KCNH7: variants seen among roughly 807,000 people sequenced by gnomAD.
KCNH7 encodes the protein potassium voltage-gated channel subfamily H member 7.
In KCNH7, 49 loss-of-function variants were observed where a neutral mutation model predicts 120.8. That is an observed-to-expected ratio of 0.41 (90% CI 0.32 to 0.51). The LOEUF is 0.51. Ranked by LOEUF, KCNH7 falls within the 20% of genes least tolerant of loss-of-function variation. The pLI, the probability that KCNH7 is intolerant of heterozygous loss-of-function variation, is 0.38. For missense variants in KCNH7, 1,097 were observed against 1,446.6 expected (o/e 0.76, Z 3.92); for synonymous variants, 547 against 516.1 (o/e 1.06, Z -0.81).
At chr2:162,826,407 T>C (rs1311899792) in intron 2 of KCNH7, among the ~76,000 whole-genome samples, 2 of 152,116 alleles carry the variant, frequency 1.3e-5, no homozygotes, top group East Asian at 1.9e-4. Context: ...CAGGGATCTA[T>C]CTGAACTCTT....
At chr2:162,480,249 T>C (rs1162045078) in intron 6 of KCNH7, among the ~76,000 whole-genome samples, 1 of 152,178 alleles carries the variant, frequency 6.6e-6, no homozygotes, top group East Asian at 1.9e-4. Flanking sequence ...ACATTGTAAA[T>C]GATTCAGTCT....
intron 2 of KCNH7, among the ~76,000 whole-genome samples, chr2:162,567,069 GA>G (rs1342447931): frequency 6.6e-6 from 1 of 151,882 alleles, no homozygotes; most frequent in Admixed American, 6.6e-5. Flanking sequence ...TAAGACAACT[GA>G]AAAAGTAAGA....
chr2:162,685,318 C>T (rs1024311844), intron 2 of KCNH7, among the ~76,000 whole-genome samples: 19 of 151,942 alleles, frequency 1.3e-4, no homozygotes, highest in African/African-American at 4.4e-4. Context: ...ACGTTCTGGA[C>T]ATGTATCCCT....
intron 10 of KCNH7, among the ~76,000 whole-genome samples, chr2:162,399,495 A>G (rs1687010018): frequency 6.6e-6 from 1 of 151,778 alleles, no homozygotes; most frequent in African/African-American, 2.4e-5. Flanking sequence ...TACATTAGGT[A>G]TATCTCCTAA....
intron 2 of KCNH7, among the ~76,000 whole-genome samples, chr2:162,688,572 G>A (rs145681324): frequency 1.1e-4 from 16 of 152,126 alleles, no homozygotes; most frequent in African/African-American, 1.9e-4. Context: ...ATCTGCTTTC[G>A]AGTTGCACCT....
chr2:162,769,788 A>C (rs1682970499), intron 2 of KCNH7, among the ~76,000 whole-genome samples: 2 of 152,118 alleles, frequency 1.3e-5, no homozygotes. Flanking sequence ...AAAAGTTTTG[A>C]AGCAAAACAT....
Position 162,373,460 on chromosome 2 carries a change from C to T in KCNH7, c.3324+10G>A, listed in dbSNP as rs1394464340. The T allele has an allele frequency of 6.6e-7, 1 of 1,505,072 alleles. No homozygotes were observed. The highest frequency in any genetic ancestry group is 2.5e-5 in the East Asian group (1 of 39,926). 93.2% of individuals were successfully genotyped at this position (1,505,072 alleles called of 1,614,324 possible). A position where few individuals can be genotyped will look rare whatever the true frequency, so the allele number is the denominator to read the frequency against. On this transcript the variant is annotated intron_variant, in intron 15 of 15. Coordinates refer to ENST00000332142, the MANE Select transcript of KCNH7 (RefSeq NM_033272.4). ...AGAGACACTCTTGGTTGGATGGTAT[C>T]CACACTTACTTGTGAGGAAGGGCTG...
rs146127471 is a variant in KCNH7 at position 162,583,920 on chromosome 2, T to C, written c.308-46840A>G. ...ATCTTCTAAAAACATTGGGGCAAGA[T>C]CTATTTCAGATTTGAAAGGCTTTCA... On this transcript the variant is annotated intron_variant, in intron 2 of 15. Transcript: ENST00000332142. 5.2e-3 allele frequency among the ~76,000 whole-genome samples: 789 copies of C among 152,230 alleles called. 10 individuals are homozygous for C. Among genetic ancestry groups the C allele is most frequent in the African/African-American group, 0.018 (752 of 41,574 alleles).
chr2:162,789,316 G>T (rs997034906), intron 2 of KCNH7, among the ~76,000 whole-genome samples: 8 of 151,900 alleles, frequency 5.3e-5, no homozygotes, highest in Non-Finnish European at 1.2e-4. Context: ...ATCATCATTT[G>T]CTAATAGATA....
chr2:162,540,803 G>A (rs1321345286), intron 2 of KCNH7, among the ~76,000 whole-genome samples: 8 of 152,128 alleles, frequency 5.3e-5, no homozygotes. Context: ...CTTCACATGT[G>A]TGTGTGATGA....
intron 2 of KCNH7, among the ~76,000 whole-genome samples, chr2:162,786,237 C>T (rs898279558): frequency 3.2e-5 from 3 of 95,124 alleles, no homozygotes; most frequent in South Asian, 4.3e-4. Context: ...AGTGAGAATC[C>T]GTCTCAAAAA....
chr2:162,512,628 T>C (rs1181146518), intron 5 of KCNH7, 26 bp downstream of exon 5: 15 of 1,605,900 alleles, frequency 9.3e-6, no homozygotes, highest in Non-Finnish European at 1.2e-5. Flanking sequence ...GAACATCAGA[T>C]GGTGAAATTT....
At position 162,758,462 on chromosome 2, in the gene KCNH7, A is replaced by G. The variant is rs989744073; in HGVS notation, c.307+78075T>C. ...ACACACATATATTGTTTATATGTAC[A>G]CACACATATATATACACACACATAT... On this transcript the variant is annotated intron_variant, in intron 2 of 15. Transcript: ENST00000332142. Among the ~76,000 whole-genome samples the G allele has an allele frequency of 3.9e-5, 6 of 152,168 alleles. No homozygotes were observed. In the South Asian group the frequency reaches 8.3e-4, roughly 21 times the overall value.
chr2:162,462,989 C>T (rs1689194107), intron 6 of KCNH7, among the ~76,000 whole-genome samples: 1 of 151,982 alleles, frequency 6.6e-6, no homozygotes. Context: ...TACTAAGTAG[C>T]CTTAGCAAAT....
At chr2:162,779,942 C>T (rs995279082) in intron 2 of KCNH7, among the ~76,000 whole-genome samples, 2 of 152,192 alleles carry the variant, frequency 1.3e-5, no homozygotes, top group East Asian at 1.9e-4. Context: ...TGTGTTTTCT[C>T]CCTTAGTCTG....
chr2:162,708,719 T>C (rs753263965), intron 2 of KCNH7, among the ~76,000 whole-genome samples: 3 of 152,078 alleles, frequency 2.0e-5, no homozygotes, highest in Non-Finnish European at 4.4e-5. Flanking sequence ...GAGAATTTGA[T>C]GACAAATATA....
At chr2:162,710,461 A>G (rs1686888401) in intron 2 of KCNH7, among the ~76,000 whole-genome samples, 1 of 152,192 alleles carries the variant, frequency 6.6e-6, no homozygotes, top group African/African-American at 2.4e-5. Context: ...TACACTGTGC[A>G]GCAGAATTGC....
chr2:162,566,027 T>A (rs1194291251), intron 2 of KCNH7, among the ~76,000 whole-genome samples: 2 of 152,012 alleles, frequency 1.3e-5, no homozygotes, highest in Non-Finnish European at 2.9e-5. Flanking sequence ...TTTTAAGATA[T>A]CTTACAAGTT....
chr2:162,835,613 GATATATAGAT>G (rs1012317245), intron 2 of KCNH7, among the ~76,000 whole-genome samples: 3 of 151,530 alleles, frequency 2.0e-5, no homozygotes, highest in Admixed American at 1.3e-4. Context: ...ATTTTGTATA[GATATATAGAT>G]ATATATAGAT....
Sources: allele counts gnomAD v4.1 joint callset (sites outside exome capture counted in the v4.1 genomes callset), GRCh38; gene constraint gnomAD v4.1.1; transcripts MANE v1.5; gene names NCBI Gene and HGNC (gene_info 2026-07-23, HGNC 2026-07-21).